CNTNAP2: variants seen among roughly 807,000 people sequenced by gnomAD.
CNTNAP2 encodes contactin associated protein 2, also known as contactin-associated protein-like 2.
CNTNAP2 carries 98 observed loss-of-function variants against 155.2 expected under a neutral mutation model. The ratio of observed to expected loss-of-function variants is 0.63; its 90% CI spans 0.54 to 0.75. CNTNAP2 has a LOEUF of 0.75. CNTNAP2 is among the 30% of genes least tolerant of loss of function. The probability of loss-of-function intolerance (pLI) is 0.00; values close to 1 mark genes in which losing one functional copy is unlikely to be tolerated. For synonymous variants in CNTNAP2, 651 were observed against 631.2 expected (o/e 1.03, Z -0.47); for missense variants, 1,727 against 1,688.1 (o/e 1.02, Z -0.40).
chr7:146,937,077 C>T (rs987913295), intron 3 of CNTNAP2, among the ~76,000 whole-genome samples: 3 of 151,972 alleles, frequency 2.0e-5, no homozygotes, highest in Non-Finnish European at 4.4e-5. Context: ...AGTATGTTCT[C>T]ACATCGAGGG....
intron 1 of CNTNAP2, among the ~76,000 whole-genome samples, chr7:146,279,891 AT>A (rs1271357477): frequency 2.6e-5 from 4 of 151,788 alleles, no homozygotes; most frequent in South Asian, 2.1e-4. Flanking sequence ...ACTTAAAAAA[AT>A]ATATAATGTA....
chr7:147,949,777 C>G (rs1800893938), intron 14 of CNTNAP2, among the ~76,000 whole-genome samples: 1 of 152,010 alleles, frequency 6.6e-6, no homozygotes. Flanking sequence ...TCAGGAAACC[C>G]AAGTAGGATT....
chr7:147,253,367 G>A (rs995706796), intron 8 of CNTNAP2, among the ~76,000 whole-genome samples: 1 of 148,106 alleles, frequency 6.8e-6, no homozygotes, highest in Non-Finnish European at 1.5e-5. Context: ...CTGCTGATTA[G>A]CTTAACAGGT....
At chr7:147,019,876 T>C (rs966222893) in intron 3 of CNTNAP2, among the ~76,000 whole-genome samples, 8 of 152,066 alleles carry the variant, frequency 5.3e-5, no homozygotes, top group African/African-American at 1.9e-4. Flanking sequence ...AGGTCATCAA[T>C]GATACATAGA....
intron 13 of CNTNAP2, among the ~76,000 whole-genome samples, chr7:147,762,986 C>T (rs1453108915): frequency 2.6e-5 from 4 of 152,052 alleles, no homozygotes; most frequent in Non-Finnish European, 5.9e-5. Context: ...CGGCTGGGTG[C>T]GATGGCTCAT....
intron 13 of CNTNAP2, among the ~76,000 whole-genome samples, chr7:147,724,036 A>G (rs1258040536): frequency 6.6e-6 from 1 of 151,868 alleles, no homozygotes; most frequent in African/African-American, 2.4e-5. Flanking sequence ...ATTTCTTCAT[A>G]GCACTCCTGA....
intron 15 of CNTNAP2, among the ~76,000 whole-genome samples, chr7:147,993,525 G>C (rs1174907998): frequency 6.6e-6 from 1 of 152,092 alleles, no homozygotes; most frequent in Non-Finnish European, 1.5e-5. Flanking sequence ...CTTGTGTCTT[G>C]AACATCCATA....
At chr7:147,839,013 T>C (rs549051805) in intron 13 of CNTNAP2, among the ~76,000 whole-genome samples, 107 of 152,262 alleles carry the variant, frequency 7.0e-4, no homozygotes, top group African/African-American at 2.4e-3. Context: ...ACCTGCAAGC[T>C]GAGGGGCAAG....
chr7:146,753,141 G>A (rs975635629), intron 1 of CNTNAP2, among the ~76,000 whole-genome samples: 7 of 151,940 alleles, frequency 4.6e-5, no homozygotes, highest in African/African-American at 1.7e-4. Flanking sequence ...AATATTTAGG[G>A]CATTGTTATG....
intron 8 of CNTNAP2, among the ~76,000 whole-genome samples, chr7:147,254,456 T>G (rs1804274624): frequency 6.6e-6 from 1 of 152,192 alleles, no homozygotes; most frequent in African/African-American, 2.4e-5. Flanking sequence ...GAGAGCCATT[T>G]TGAACTAAAG....
chr7:146,194,183 T>C (rs1798745323), intron 1 of CNTNAP2, among the ~76,000 whole-genome samples: 1 of 152,230 alleles, frequency 6.6e-6, no homozygotes, highest in African/African-American at 2.4e-5. Context: ...CCAAAGTCAC[T>C]TCCACATTTT....
At chr7:148,050,656 GT>G (rs1802871541) in intron 15 of CNTNAP2, among the ~76,000 whole-genome samples, 1 of 152,118 alleles carries the variant, frequency 6.6e-6, no homozygotes, top group Non-Finnish European at 1.5e-5. Context: ...GTACAGTAAT[GT>G]TCTAGGCCTT....
intron 9 of CNTNAP2, among the ~76,000 whole-genome samples, chr7:147,308,503 G>A (rs1354001954): frequency 6.6e-6 from 1 of 152,142 alleles, no homozygotes; most frequent in Non-Finnish European, 1.5e-5. Flanking sequence ...AGGACTTGCA[G>A]ACAGGTGAGA....
chr7:148,168,566 G>T (rs1289719582), intron 17 of CNTNAP2, among the ~76,000 whole-genome samples: 1 of 119,710 alleles, frequency 8.4e-6, no homozygotes, highest in Non-Finnish European at 1.7e-5. Flanking sequence ...CTGTTGTGGG[G>T]TGGGGGGAGG....
intron 18 of CNTNAP2, among the ~76,000 whole-genome samples, chr7:148,185,295 G>T (rs1795099141): frequency 6.6e-6 from 1 of 152,176 alleles, no homozygotes; most frequent in Non-Finnish European, 1.5e-5. Context: ...CATGGAATTG[G>T]CATGAGTCAT....
intron 8 of CNTNAP2, among the ~76,000 whole-genome samples, chr7:147,168,764 C>A (rs898561927): frequency 6.6e-6 from 1 of 151,984 alleles, no homozygotes; most frequent in East Asian, 1.9e-4. Context: ...AATTTTAATA[C>A]ACTTTTCATC....
At chr7:148,411,761 T>TAGTC (rs1464960589) in intron 23 of CNTNAP2, among the ~76,000 whole-genome samples, 6 of 148,904 alleles carry the variant, frequency 4.0e-5, no homozygotes, top group Non-Finnish European at 8.9e-5. Context: ...AATGAATATC[T>TAGTC]AGTCATTCCA....
intron 8 of CNTNAP2, among the ~76,000 whole-genome samples, chr7:147,280,649 C>G (rs567503976): frequency 6.6e-6 from 1 of 151,900 alleles, no homozygotes; most frequent in Admixed American, 6.6e-5. Flanking sequence ...CTTAATGAAG[C>G]TATTCATTGC....
At chr7:148,224,215 A>G (rs949810939) in intron 19 of CNTNAP2, among the ~76,000 whole-genome samples, 1 of 152,232 alleles carries the variant, frequency 6.6e-6, no homozygotes, top group East Asian at 1.9e-4. Context: ...AATAAGGCAG[A>G]GAGTAAAAAC....
Sources: gnomAD v4.1 joint callset for allele counts (sites outside exome capture counted in the v4.1 genomes callset) on GRCh38, gnomAD v4.1.1 for gene constraint, MANE v1.5 for transcripts, NCBI Gene and HGNC (gene_info 2026-07-23, HGNC 2026-07-21) for gene names.